The following SALL3 variants were observed in gnomAD, a reference collection of about 807,000 sequenced individuals.
The protein encoded by SALL3 is spalt like transcription factor 3, also known as sal-like protein 3.
Under a neutral mutation model 66.2 loss-of-function variants are expected in SALL3, and 25 were observed. The ratio of observed to expected loss-of-function variants is 0.38; its 90% CI spans 0.28 to 0.53. SALL3 has a LOEUF of 0.53. SALL3 is among the 20% of genes least tolerant of loss of function. SALL3 has a pLI of 0.85. For missense variants in SALL3, 2,194 were observed against 1,916.5 expected (o/e 1.14, Z -2.70); for synonymous variants, 1,152 against 899.1 (o/e 1.28, Z -5.03).
rs1474292246 is a variant in SALL3 at position 78,994,917 on chromosome 18, A to G, written c.2926A>G (p.Ser976Gly). 5.0e-6 allele frequency: 8 copies of G among 1,613,338 alleles called. No individual in the cohort carries two copies. The African/African-American group carries it at 1.1e-4, about 22-fold the overall frequency. ...FLSRERGKCP[S>G]TVCGVCGKPF... ...GAGCAGGGAGCGGGGTAAGTGTCCCAGCACTGTGTGTGGTGTCTGTGGCAA... is the reference window on the plus strand; with the variant it reads ...GAGCAGGGAGCGGGGTAAGTGTCCCGGCACTGTGTGTGGTGTCTGTGGCAA... The change falls in exon 2 of 3, where the codon AGC (serine) becomes GGC (glycine). Residue 976 changes from serine (S) to glycine (G), a missense_variant. Ser to Gly is a moderately conservative substitution (Grantham distance 56). Transcript: ENST00000537592.
At position 78,992,768 on chromosome 18, in the gene SALL3, C is replaced by T. The variant is rs1474690609; in HGVS notation, c.777C>T (p.Pro259=). Reference sequence around the variant, plus strand: ...CGGGCCCGGCCCCCAGCCAGCTGCCCGGGCTGGCCGCGCTCCCGCTGTCGG... The same window carrying T: ...CGGGCCCGGCCCCCAGCCAGCTGCCTGGGCTGGCCGCGCTCCCGCTGTCGG... The part of the protein sequence containing the change: ...SAPGPAPSQL[P]GLAALPLSAG... Residue 259 remains proline, a synonymous_variant, in exon 2 of 3, where the codon CCC becomes CCT. Transcript: ENST00000537592. 5.7e-6 allele frequency: 6 copies of T among 1,045,182 alleles called. No homozygotes were observed. The highest frequency in any genetic ancestry group is 6.9e-6 in the Non-Finnish European group (6 of 869,524). The allele number at this position is 1,045,182 out of a possible 1,614,324, so 64.7% of individuals were successfully genotyped here.
chr18:78,981,475 G>T (rs568804297), intron 1 of SALL3, among the ~76,000 whole-genome samples: 1 of 152,380 alleles, frequency 6.6e-6, no homozygotes, highest in South Asian at 2.1e-4. Flanking sequence ...GAGACTGTCT[G>T]CGAAAAGGAA....
Position 78,992,971 on chromosome 18 carries a change from C to T in SALL3, c.980C>T (p.Pro327Leu). Residue 327 changes from proline (P) to leucine (L), a missense_variant, in exon 2 of 3, where the codon CCA becomes CTA. Transcript: ENST00000537592. Reference protein sequence around the residue: ...APAPAAPAPAPAPQSAASSQP... With the variant: ...APAPAAPAPALAPQSAASSQP... ...GCCCCCGCTGCCCCCGCCCCGGCGC[C>T]AGCGCCGCAGAGCGCAGCCTCGTCG... 2.4e-6 allele frequency: 3 copies of T among 1,240,520 alleles called. No individual in the cohort carries two copies. The highest frequency in any genetic ancestry group is 3.4e-5 in the East Asian group (1 of 29,436). The allele number at this position is 1,240,520 out of a possible 1,614,324, so 76.8% of individuals were successfully genotyped here.
At chr18:78,986,190 T>C (rs1599174031) in intron 1 of SALL3, among the ~76,000 whole-genome samples, 1 of 152,226 alleles carries the variant, frequency 6.6e-6, no homozygotes, top group Admixed American at 6.5e-5. Context: ...GGCAACCGTG[T>C]CTCCTCCCGG....
chr18:78,994,369 T>G lies in SALL3; in HGVS notation c.2378T>G (p.Leu793Arg). The change falls in exon 2 of 3, where the codon CTG becomes CGG. Residue 793 changes from leucine (L) to arginine (R), a missense_variant. By Grantham distance (102) the Leu-to-Arg change is moderately radical (BLOSUM62 -2). Transcript: ENST00000537592. ...LAYDDKNAET[L>R]SSYDDDMDEN... Reference sequence around the variant, plus strand: ...TACGACGACAAGAACGCGGAGACCCTGAGCAGCTACGATGACGACATGGAC... The same window carrying G: ...TACGACGACAAGAACGCGGAGACCCGGAGCAGCTACGATGACGACATGGAC... The G allele has an allele frequency of 1.9e-6, 3 of 1,613,412 alleles. No individual in the cohort carries two copies. Among genetic ancestry groups the G allele is most frequent in the Non-Finnish European group, 2.5e-6 (3 of 1,179,996 alleles).
At chr18:78,996,448 GTTTC>G (rs1283380557) in intron 2 of SALL3, among the ~76,000 whole-genome samples, 5 of 152,218 alleles carry the variant, frequency 3.3e-5, no homozygotes, top group African/African-American at 9.6e-5. Context: ...TAGAATTAAT[GTTTC>G]TTTGTTTGAG....
At position 78,994,120 on chromosome 18, in the gene SALL3, A is replaced by G. The variant is rs771216735; in HGVS notation, c.2129A>G (p.Lys710Arg). The change falls in exon 2 of 3, where the codon AAG becomes AGG. Residue 710 changes from lysine to arginine, a missense_variant. Transcript: ENST00000537592. The part of the protein sequence containing the change: ...THTGERPFKC[K>R]ICGRAFTTKG... ...ACGGGGGAGCGGCCGTTCAAGTGCAAGATCTGCGGCCGCGCCTTCACCACC... is the reference window on the plus strand; with the variant it reads ...ACGGGGGAGCGGCCGTTCAAGTGCAGGATCTGCGGCCGCGCCTTCACCACC... 1 of 1,612,962 alleles carries G rather than the reference A, an allele frequency of 6.2e-7. No homozygotes were observed. The highest frequency in any genetic ancestry group is 1.1e-5 in the South Asian group (1 of 91,068).
chr18:78,994,359 G>C lies in SALL3; in HGVS notation c.2368G>C (p.Ala790Pro). The C allele has an allele frequency of 1.2e-6, 2 of 1,613,538 alleles. No individual in the cohort carries two copies. Among genetic ancestry groups the C allele is most frequent in the South Asian group, 1.1e-5 (1 of 91,086 alleles). The change falls in exon 2 of 3, where the codon GCG becomes CCG. Residue 790 changes from alanine to proline, a missense_variant. Ala to Pro is a conservative substitution (Grantham distance 27). Coordinates refer to ENST00000537592, the MANE Select transcript of SALL3 (RefSeq NM_171999.4). ...DSELAYDDKN[A>P]ETLSSYDDDM... Reference sequence around the variant, plus strand: ...CGAGCTGGCCTACGACGACAAGAACGCGGAGACCCTGAGCAGCTACGATGA... The same window carrying C: ...CGAGCTGGCCTACGACGACAAGAACCCGGAGACCCTGAGCAGCTACGATGA...
chr18:78,995,588 A>G, intron 2 of SALL3, 126 bp downstream of exon 2: 3 of 1,401,858 alleles, frequency 2.1e-6, no homozygotes, highest in Non-Finnish European at 2.8e-6. Context: ...GTGAGATGCC[A>G]CGCCTGTGGG....
chr18:78,995,791 G>C (rs566822865), intron 2 of SALL3, among the ~76,000 whole-genome samples: 3 of 152,032 alleles, frequency 2.0e-5, no homozygotes, highest in Non-Finnish European at 4.4e-5. Flanking sequence ...TGTGCATGTC[G>C]TGTGTGGTGT....
At position 78,992,291 on chromosome 18, in the gene SALL3, C is replaced by T. The variant is rs1397769640; in HGVS notation, c.300C>T (p.Ala100=). ...AGGACTTCCCCGAGCCTTCGCCCGCCAGCTCCCCCAGCGAGCGCGCCGAAA... is the reference window on the plus strand; with the variant it reads ...AGGACTTCCCCGAGCCTTCGCCCGCTAGCTCCCCCAGCGAGCGCGCCGAAA... The part of the protein sequence containing the change: ...PPEDFPEPSP[A]SSPSERAESE... Residue 100 remains alanine, a synonymous_variant, in exon 2 of 3, where the codon GCC becomes GCT. Transcript: ENST00000537592. 2 of 1,536,268 alleles carry T rather than the reference C, an allele frequency of 1.3e-6. No individual in the cohort carries two copies. Among genetic ancestry groups the T allele is most frequent in the Non-Finnish European group, 8.7e-7 (1 of 1,150,356 alleles).
chr18:78,994,333 C>T lies in SALL3; in HGVS notation c.2342C>T (p.Ser781Phe). The T allele has an allele frequency of 1.2e-6, 2 of 1,613,632 alleles. No homozygotes were observed. The highest frequency in any genetic ancestry group is 2.2e-5 in the South Asian group (2 of 91,078). ...GAGGGCTTCCAGGATGCCATGGACT[C>T]CGAGCTGGCCTACGACGACAAGAAC... is the stretch of plus-strand genomic sequence containing the variant. ...LPEGFQDAMD[S>F]ELAYDDKNAE... Residue 781 changes from serine to phenylalanine, a missense_variant, in exon 2 of 3, where the codon TCC becomes TTC. Physicochemically the swap from Ser to Phe is radical, Grantham distance 155. Coordinates refer to ENST00000537592, the MANE Select transcript of SALL3 (RefSeq NM_171999.4).
chr18:78,982,073 TTAA>T (rs1914090933), intron 1 of SALL3, among the ~76,000 whole-genome samples: 1 of 152,248 alleles, frequency 6.6e-6, no homozygotes, highest in East Asian at 1.9e-4. Flanking sequence ...CATATTTTAA[TTAA>T]TAGAGTAAAC....
chr18:78,996,669 C>T (rs772040560), intron 2 of SALL3, among the ~76,000 whole-genome samples: 1 of 152,184 alleles, frequency 6.6e-6, no homozygotes, highest in Non-Finnish European at 1.5e-5. Context: ...ACTGAAAGAC[C>T]GCACTCATTA....
intron 1 of SALL3, among the ~76,000 whole-genome samples, chr18:78,983,691 A>G (rs1914149716): frequency 1.3e-5 from 2 of 152,184 alleles, no homozygotes; most frequent in Non-Finnish European, 2.9e-5. Context: ...CTGTATATGC[A>G]TGGTTTGCCC....
In SALL3 at chr18:78,993,717, G is replaced by T. The variant is rs376550476; in HGVS notation, c.1726G>T (p.Gly576Cys). The T allele has an allele frequency of 6.4e-6, 10 of 1,555,678 alleles. No individual in the cohort carries two copies. The East Asian group carries it at 2.0e-4, about 32-fold the overall frequency. ...CCCAGGCCTCAACCACGTGGAGTCC[G>T]GCGTGTCGGCCACCGCCGAGTCCCC... ...LSPGLNHVES[G>C]VSATAESPQS... is the part of the protein sequence containing the mutation. The change falls in exon 2 of 3, where the codon GGC (glycine) becomes TGC (cysteine). Residue 576 changes from glycine (G) to cysteine (C), a missense_variant. By Grantham distance (159) the Gly-to-Cys change is radical (BLOSUM62 -3). Coordinates refer to ENST00000537592, the MANE Select transcript of SALL3 (RefSeq NM_171999.4).
Position 78,995,370 on chromosome 18 carries a change from G to A in SALL3, c.3379G>A (p.Ala1127Thr). The change falls in exon 2 of 3, where the codon GCC becomes ACC. Residue 1127 changes from alanine to threonine, a missense_variant. Physicochemically the swap from Ala to Thr is moderately conservative, Grantham distance 58 (BLOSUM62 0). Transcript: ENST00000537592. The part of the protein sequence containing the change: ...SCGKTFSSAS[A>T]LQIHERTHTG... ...CGGGAAGACCTTCTCCTCGGCCAGC[G>A]CCCTGCAGATCCATGAGCGCACGCA... 6.3e-7 allele frequency: 1 copy of A among 1,581,684 alleles called. No homozygotes were observed. Among genetic ancestry groups the A allele is most frequent in the Non-Finnish European group, 8.5e-7 (1 of 1,171,798 alleles).
At chr18:78,985,206 C>T (rs534902013) in intron 1 of SALL3, 1 of 152,294 alleles carries the variant, frequency 6.6e-6, no homozygotes, top group Admixed American at 6.5e-5. Flanking sequence ...CAACAGGGCT[C>T]ACCACTGTTC....
rs1231628028 is a variant in SALL3, at chr18:78,992,548, G to A, written c.557G>A (p.Arg186His). ...GTGGCGCAGTTCTCGCAGGGCGCGC[G>A]CGCGGCAGGCGGCTCGGGAGCAGGT... is the stretch of plus-strand genomic sequence containing the variant. The part of the protein sequence containing the change: ...VAVAQFSQGA[R>H]AAGGSGAGGG... The change falls in exon 2 of 3, where the codon CGC becomes CAC. Residue 186 changes from arginine to histidine, a missense_variant. By Grantham distance (29) the Arg-to-His change is conservative (BLOSUM62 0). Coordinates refer to ENST00000537592, the MANE Select transcript of SALL3 (RefSeq NM_171999.4). The A allele has an allele frequency of 6.7e-7, 1 of 1,497,264 alleles. No individual in the cohort carries two copies. The highest frequency in any genetic ancestry group is 8.8e-7 in the Non-Finnish European group (1 of 1,130,518). 92.7% of individuals were successfully genotyped at this position (1,497,264 alleles called of 1,614,324 possible). A position where few individuals can be genotyped will look rare whatever the true frequency, so the allele number is the denominator to read the frequency against.
Sources: allele counts gnomAD v4.1 joint callset (sites outside exome capture counted in the v4.1 genomes callset), GRCh38; gene constraint gnomAD v4.1.1; transcripts MANE v1.5; gene names NCBI Gene and HGNC (gene_info 2026-07-23, HGNC 2026-07-21).